RGS11: variants seen among roughly 807,000 people sequenced by gnomAD.
RGS11 encodes regulator of G-protein signaling 11.
A neutral mutation model predicts 71.1 loss-of-function variants in RGS11; 86 were observed. The observed-to-expected ratio is 1.21, with a 90% CI of 1.02 to 1.45. The LOEUF is 1.45. RGS11 is among the 40% of genes most tolerant of loss of function. The probability of loss-of-function intolerance (pLI) is 0.00; values close to 1 mark genes in which losing one functional copy is unlikely to be tolerated. For missense variants in RGS11, 734 were observed against 635.1 expected (o/e 1.16, Z -1.67); for synonymous variants, 298 against 254.2 (o/e 1.17, Z -1.64).
At chr16:274,816 C>T (rs2052092211) in intron 4 of RGS11, 160 bp downstream of exon 4, 2 of 1,008,838 alleles carry the variant, frequency 2.0e-6, no homozygotes. Context: ...CGGTCCAGGA[C>T]TTTTGGGGAG....
intron 15 of RGS11, 181 bp from the exon 16 acceptor site, chr16:269,766 G>T (rs1388994273): frequency 1.7e-5 from 10 of 576,694 alleles, no homozygotes; most frequent in Non-Finnish European, 3.1e-5. Flanking sequence ...GGAGACCTGG[G>T]CTCCCGTCTG....
In RGS11 at chr16:269,491, G is replaced by C; in HGVS notation, c.1289+12C>G. 3 of 1,612,346 alleles carry C rather than the reference G, an allele frequency of 1.9e-6. No homozygotes were observed. The highest frequency in any genetic ancestry group is 2.5e-6 in the Non-Finnish European group (3 of 1,179,422). On this transcript the variant is annotated intron_variant, in intron 16 of 16. Transcript: ENST00000397770. ...CCACAGCCGCCGGCCACAGGGCACT[G>C]CCTGGGCTCACCGTCTCTTCATCTC...
At chr16:273,038 G>T in intron 8 of RGS11, 107 bp from the exon 9 acceptor site, 1 of 1,085,576 alleles carries the variant, frequency 9.2e-7, no homozygotes, top group Non-Finnish European at 1.3e-6. Context: ...ACACTCAAAG[G>T]AACTCGGGAA....
chr16:275,024 G>A lies in RGS11; in HGVS notation c.270C>T (p.Asp90=). The A allele has an allele frequency of 2.0e-6, 3 of 1,513,586 alleles. No individual in the cohort carries two copies. Among genetic ancestry groups the A allele is most frequent in the Non-Finnish European group, 1.8e-6 (2 of 1,127,874 alleles). The allele number at this position is 1,513,586 out of a possible 1,614,324, so 93.8% of individuals were successfully genotyped here. The stretch of plus-strand genomic sequence containing the variant: ...CTGGCCGGAGCATGAGGCTACGGGG[G>A]TCGCGCAGCGGGTAGATGTAGCCAT... ...VQHGYIYPLR[D]PRSLMLRPDE... is the part of the protein sequence containing the mutation. Residue 90 remains aspartate, a synonymous_variant, in exon 4 of 17, where the codon GAC becomes GAT. Coordinates refer to ENST00000397770, the MANE Select transcript of RGS11 (RefSeq NM_183337.3).
intron 9 of RGS11, chr16:272,459 C>A (rs1388237506): frequency 3.8e-6 from 5 of 1,325,086 alleles, no homozygotes; most frequent in African/African-American, 1.5e-5. Flanking sequence ...CAGATGCTCC[C>A]TCTGGTCTGG....
rs372126289 is a variant in RGS11 at position 271,427 on chromosome 16, G to C, written c.721C>G (p.Arg241Gly). 2 of 1,613,770 alleles carry C rather than the reference G, an allele frequency of 1.2e-6. No individual in the cohort carries two copies. Among genetic ancestry groups the C allele is most frequent in the Admixed American group, 1.7e-5 (1 of 60,014 alleles). Residue 241 changes from arginine (R) to glycine (G), a missense_variant, in exon 11 of 17, where the codon CGA becomes GGA. Physicochemically the swap from Arg to Gly is moderately radical, Grantham distance 125 (BLOSUM62 -2). Coordinates refer to ENST00000397770, the MANE Select transcript of RGS11 (RefSeq NM_183337.3). ...TCAAGGCAGACGGAGGACTTCACTC[G>C]GGTCCTGCCCAGCGCTTTCCTGAAG... The part of the protein sequence containing the change: ...EYFRKALGRT[R>G]VKSSVCLEAY...
At position 273,511 on chromosome 16, in the gene RGS11, G is replaced by T; in HGVS notation, c.552C>A (p.Cys184Ter). ...TCACCAGCCAGTAGGTCTGCTCCTG[G>T]CACGCAATGACCAGCCTGTCCCCCT... is the stretch of plus-strand genomic sequence containing the variant. ...RSKGDRLVIACQEQTYWLVNR... is the reference protein window; with the variant it reads ...RSKGDRLVIA The change falls in exon 8 of 17, where the codon TGC becomes TGA. Residue 184 changes from cysteine to a stop codon, truncating the protein, a stop_gained. Transcript: ENST00000397770. LOFTEE classifies it high-confidence loss of function. 6.4e-7 allele frequency: 1 copy of T among 1,556,832 alleles called. No homozygotes were observed.
chr16:271,872 T>C, intron 9 of RGS11: 1 of 451,834 alleles, frequency 2.2e-6, no homozygotes, highest in Non-Finnish European at 4.0e-6. Context: ...GTTTCACTCT[T>C]GTTTCCCAGG....
rs142683229 is a variant in RGS11 at position 273,799 on chromosome 16, G to T, written c.467C>A (p.Ala156Glu). 3.6e-4 allele frequency: 584 copies of T among 1,613,266 alleles called. No homozygotes were observed. The highest frequency in any genetic ancestry group is 5.2e-4 in the Admixed American group (31 of 60,032). Reference protein sequence around the residue: ...YDRLHKKINHAWDLVLMQARE... With the variant: ...YDRLHKKINHEWDLVLMQARE... ...CGCCTGCATCAGCACCAGGTCCCAT[G>T]CGTGGTTGATCTTCTTGTGTAGCCG... is the stretch of plus-strand genomic sequence containing the variant. Residue 156 changes from alanine (A) to glutamate (E), a missense_variant, in exon 7 of 17, where the codon GCA becomes GAA. Coordinates refer to ENST00000397770, the MANE Select transcript of RGS11 (RefSeq NM_183337.3).
Position 270,572 on chromosome 16 carries a change from C to T in RGS11, c.1157G>A (p.Arg386His), listed in dbSNP as rs543301245. 1.6e-4 allele frequency: 251 copies of T among 1,608,804 alleles called. 3 individuals are homozygous for T. The South Asian group carries it at 2.0e-3, about 13-fold the overall frequency. Residue 386 changes from arginine (R) to histidine (H), a missense_variant, in exon 15 of 17, where the codon CGC becomes CAC. Coordinates refer to ENST00000397770, the MANE Select transcript of RGS11 (RefSeq NM_183337.3). ...CAGCTGGGCGTCATCCAGGACATAG[C>T]GGTGGGGCTGGCGCAGCCCCTCCAG... is the stretch of plus-strand genomic sequence containing the variant. ...QTLEGLRQPH[R>H]YVLDDAQLHI... is the part of the protein sequence containing the mutation.
intron 16 of RGS11, 26 bp downstream of exon 16, chr16:269,477 G>C: frequency 6.2e-7 from 1 of 1,610,116 alleles, no homozygotes; most frequent in East Asian, 2.2e-5. Context: ...CACAGCCGCC[G>C]GCCACAGGGC....
intron 14 of RGS11, 21 bp from the exon 15 acceptor site, chr16:270,682 G>A: frequency 6.2e-7 from 1 of 1,609,848 alleles, no homozygotes; most frequent in Non-Finnish European, 8.5e-7. Context: ...GGACAGCACT[G>A]GGTAGTCTCG....
At position 270,537 on chromosome 16, in the gene RGS11, T is replaced by G. The variant is rs1236666002; in HGVS notation, c.1192A>C (p.Met398Leu). Residue 398 changes from methionine to leucine, a missense_variant, in exon 15 of 17, where the codon ATG (methionine) becomes CTG (leucine). Coordinates refer to ENST00000397770, the MANE Select transcript of RGS11 (RefSeq NM_183337.3). Reference protein sequence around the residue: ...VLDDAQLHIYMLMKKDSYPRF... With the variant: ...VLDDAQLHIYLLMKKDSYPRF... ...CCAGCACCCACCTTCTTCATGAGCA[T>G]GTATATGTGCAGCTGGGCGTCATCC... is the stretch of plus-strand genomic sequence containing the variant. 15 of 1,607,686 alleles carry G rather than the reference T, an allele frequency of 9.3e-6. No homozygotes were observed. Among genetic ancestry groups the G allele is most frequent in the Non-Finnish European group, 9.3e-6 (11 of 1,177,504 alleles).
intron 9 of RGS11, 49 bp from the exon 10 acceptor site, chr16:271,618 G>T: frequency 1.9e-6 from 3 of 1,588,502 alleles, no homozygotes; most frequent in Non-Finnish European, 2.6e-6. Context: ...CCCTGCTGGG[G>T]TCCAAAATCC....
Position 269,579 on chromosome 16 carries a change from A to G in RGS11, c.1213T>C (p.Tyr405His). The G allele has an allele frequency of 6.2e-7, 1 of 1,612,884 alleles. No individual in the cohort carries two copies. Among genetic ancestry groups the G allele is most frequent in the Non-Finnish European group, 8.5e-7 (1 of 1,179,496 alleles). The change falls in exon 16 of 17, where the codon TAC (tyrosine) becomes CAC (histidine). Residue 405 changes from tyrosine to histidine, a missense_variant. By Grantham distance (83) the Tyr-to-His change is moderately conservative (BLOSUM62 2). Transcript: ENST00000397770. ...HIYMLMKKDSYPRFLKSDMYK... is the reference protein window; with the variant it reads ...HIYMLMKKDSHPRFLKSDMYK... ...ATGTCAGACTTCAGGAACCTTGGGT[A>G]GGAGTCCTACAAGAGACAGCGTCCA...
In RGS11 at chr16:268,882, C is replaced by G; in HGVS notation, c.*387G>C. ...GTGTGTGGGAAGCCGCCCGCCTGTGCATCTTGCTTCCGGGTATTCGCTGGC... is the reference window on the plus strand; with the variant it reads ...GTGTGTGGGAAGCCGCCCGCCTGTGGATCTTGCTTCCGGGTATTCGCTGGC... On this transcript the variant is annotated 3_prime_UTR_variant, in exon 17 of 17. Coordinates refer to ENST00000397770, the MANE Select transcript of RGS11 (RefSeq NM_183337.3). The G allele has an allele frequency of 6.4e-7, 1 of 1,550,558 alleles. No individual in the cohort carries two copies. Among genetic ancestry groups the G allele is most frequent in the Non-Finnish European group, 8.7e-7 (1 of 1,146,998 alleles).
rs72765827 is a variant in RGS11, at chr16:270,451, C to G, written c.1206+72G>C. 3,451 of 1,494,606 alleles carry G rather than the reference C, an allele frequency of 2.3e-3. 12 individuals carry two copies. Among genetic ancestry groups the G allele is most frequent in the Non-Finnish European group, 2.2e-3 (2,447 of 1,110,456 alleles). The allele number at this position is 1,494,606 out of a possible 1,614,324, so 92.6% of individuals were successfully genotyped here. A position where few individuals can be genotyped will look rare whatever the true frequency, so the allele number is the denominator to read the frequency against. ...TGGGCAGTGCCTGTGCGGACAGAGCCCTTGAGGGTGGGGACATGGAGGCCC... is the reference window on the plus strand; with the variant it reads ...TGGGCAGTGCCTGTGCGGACAGAGCGCTTGAGGGTGGGGACATGGAGGCCC... On this transcript the variant is annotated intron_variant, in intron 15 of 16. Coordinates refer to ENST00000397770, the MANE Select transcript of RGS11 (RefSeq NM_183337.3).
chr16:269,189 TG>T lies in RGS11; in HGVS notation c.*79del. ...GCTGGGTTCAGCAGCCCCCAGGACC[TG>T]GGCCAAGACGGGGGTGGCTGCTGCA... On this transcript the variant is annotated 3_prime_UTR_variant, in exon 17 of 17. Transcript: ENST00000397770. 1.7e-6 allele frequency: 2 copies of T among 1,144,756 alleles called. No homozygotes were observed. Among genetic ancestry groups the T allele is most frequent in the African/African-American group, 1.5e-5 (1 of 65,046 alleles). The allele number at this position is 1,144,756 out of a possible 1,614,324, so 70.9% of individuals were successfully genotyped here.
chr16:275,013 A>T lies in RGS11; in HGVS notation c.281T>A (p.Leu94His). The change falls in exon 4 of 17, where the codon CTC (leucine) becomes CAC (histidine). Residue 94 changes from leucine to histidine, a missense_variant. By Grantham distance (99) the Leu-to-His change is moderately conservative (BLOSUM62 -3). Transcript: ENST00000397770. ...GGGCGTCTCGTCTGGCCGGAGCATG[A>T]GGCTACGGGGGTCGCGCAGCGGGTA... ...YIYPLRDPRS[L>H]MLRPDETPYR... 3 of 1,524,396 alleles carry T rather than the reference A, an allele frequency of 2.0e-6. No homozygotes were observed. The highest frequency in any genetic ancestry group is 2.6e-6 in the Non-Finnish European group (3 of 1,132,850). The allele number at this position is 1,524,396 out of a possible 1,614,324, so 94.4% of individuals were successfully genotyped here.
Sources: gnomAD v4.1 joint callset for allele counts on GRCh38, gnomAD v4.1.1 for gene constraint, MANE v1.5 for transcripts, NCBI Gene and HGNC (gene_info 2026-07-23, HGNC 2026-07-21) for gene names.